PDE1A: variants seen among roughly 807,000 people sequenced by gnomAD.
The protein encoded by PDE1A is phosphodiesterase 1A.
PDE1A carries 35 observed loss-of-function variants against 61.7 expected under a neutral mutation model. That is an observed-to-expected ratio of 0.57 (90% CI 0.43 to 0.75). PDE1A has a LOEUF of 0.75. PDE1A is among the 30% of genes least tolerant of loss of function. The pLI is 0.00. For synonymous variants in PDE1A, 232 were observed against 213.2 expected (o/e 1.09, Z -0.77); for missense variants, 597 against 630.6 (o/e 0.95, Z 0.57).
chr2:182,650,241 T>G, the PDE1A span, among the ~76,000 whole-genome samples: 2 of 152,276 alleles, frequency 1.3e-5, no homozygotes, highest in South Asian at 2.1e-4. Flanking sequence ...TTGTTTAGTA[T>G]TTAGAATGCA....
the PDE1A span, among the ~76,000 whole-genome samples, chr2:182,616,904 T>G: frequency 1.3e-5 from 2 of 152,204 alleles, no homozygotes; most frequent in Non-Finnish European, 2.9e-5. Context: ...GTGGAAGTCT[T>G]TGATTCAACA....
chr2:182,505,722 TTTGA>T (rs1023745060), intron 2 of PDE1A, among the ~76,000 whole-genome samples: 3 of 152,204 alleles, frequency 2.0e-5, no homozygotes, highest in African/African-American at 7.2e-5. Flanking sequence ...TTTCTAAGCC[TTTGA>T]TTGTGTCACA....
intron 1 of PDE1A, among the ~76,000 whole-genome samples, chr2:182,292,707 A>G (rs1694618382): frequency 6.6e-6 from 1 of 152,072 alleles, no homozygotes. Context: ...AACATCTTTC[A>G]GGAGAACATA....
At chr2:182,194,935 G>A (rs567495121) in intron 10 of PDE1A, among the ~76,000 whole-genome samples, 1 of 150,136 alleles carries the variant, frequency 6.7e-6, no homozygotes, top group East Asian at 2.0e-4. Context: ...TTCTTGAAAG[G>A]TTGCTCTTGA....
chr2:182,265,344 T>A (rs1216350997), intron 1 of PDE1A, among the ~76,000 whole-genome samples: 3 of 152,152 alleles, frequency 2.0e-5, no homozygotes, highest in African/African-American at 7.2e-5. Context: ...ACTGCTAGAT[T>A]CGCTATTATT....
intron 10 of PDE1A, among the ~76,000 whole-genome samples, chr2:182,199,424 T>C (rs962935436): frequency 6.6e-6 from 1 of 152,064 alleles, no homozygotes; most frequent in Non-Finnish European, 1.5e-5. Flanking sequence ...TACACATTTT[T>C]TTTCTAATGT....
the PDE1A span, among the ~76,000 whole-genome samples, chr2:182,675,189 T>C: frequency 6.6e-6 from 1 of 152,200 alleles, no homozygotes; most frequent in Non-Finnish European, 1.5e-5. Flanking sequence ...CTCCCACTTA[T>C]AAGTGAGAAC....
upstream of PDE1A, among the ~76,000 whole-genome samples, chr2:182,524,433 T>A (rs984848655): frequency 6.6e-6 from 1 of 152,158 alleles, no homozygotes; most frequent in African/African-American, 2.4e-5. Context: ...AGAACTATTC[T>A]ACTTAAGTAT....
At position 182,147,099 on chromosome 2, in the gene PDE1A, GT is replaced by G; in HGVS notation, c.1569del (p.Lys523AsnfsTer13). ...CGGGCCTATGAATGTGTCTCATCAT[GT>G]TTTTCTTCAGCATTTACTAAGTCTT... On this transcript the variant is annotated frameshift_variant, in exon 14 of 14. Coordinates refer to the PDE1A transcript ENST00000409365. LOFTEE classifies it high-confidence loss of function. The G allele has an allele frequency of 6.2e-7, 1 of 1,606,608 alleles. No homozygotes were observed. The highest frequency in any genetic ancestry group is 8.5e-7 in the Non-Finnish European group (1 of 1,174,378).
intron 9 of PDE1A, 55 bp from the exon 10 acceptor site, chr2:182,201,614 C>CT (rs1686637977): frequency 2.8e-6 from 4 of 1,432,470 alleles, no homozygotes; most frequent in Non-Finnish European, 3.9e-6. Flanking sequence ...CAATTACAGT[C>CT]TTTTCTGAGG....
chr2:182,251,787 G>A (rs887565547), intron 2 of PDE1A, among the ~76,000 whole-genome samples: 8 of 152,338 alleles, frequency 5.3e-5, no homozygotes, highest in Admixed American at 4.6e-4. Flanking sequence ...GGGAGGAACA[G>A]TCAGAAGAGT....
chr2:182,174,263 G>A (rs1692518169), intron 13 of PDE1A, among the ~76,000 whole-genome samples: 2 of 152,058 alleles, frequency 1.3e-5, no homozygotes, highest in Non-Finnish European at 2.9e-5. Flanking sequence ...ATCAGAGCTT[G>A]GGAATGGAGC....
intron 1 of PDE1A, among the ~76,000 whole-genome samples, chr2:182,357,479 CCTTT>C (rs1699261724): frequency 6.6e-6 from 1 of 152,094 alleles, no homozygotes; most frequent in Non-Finnish European, 1.5e-5. Context: ...AATTCATTGA[CCTTT>C]CTTTAGAGGA....
chr2:182,272,130 T>A (rs1355348831), intron 1 of PDE1A, among the ~76,000 whole-genome samples: 1 of 151,986 alleles, frequency 6.6e-6, no homozygotes, highest in Middle Eastern at 3.2e-3. Flanking sequence ...AGATCTAATA[T>A]CCAGCTAATT....
At chr2:182,506,259 T>C (rs1490749693) in intron 2 of PDE1A, among the ~76,000 whole-genome samples, 2 of 152,220 alleles carry the variant, frequency 1.3e-5, no homozygotes, top group African/African-American at 4.8e-5. Context: ...CTGTTTCTCT[T>C]TGTTCCCTAT....
chr2:182,159,692 G>A (rs763096422), intron 13 of PDE1A, among the ~76,000 whole-genome samples: 1 of 152,162 alleles, frequency 6.6e-6, no homozygotes, highest in East Asian at 1.9e-4. Context: ...TGTAGGCCGA[G>A]TGCATTGGCT....
At position 182,329,492 on chromosome 2, in the gene PDE1A, C is replaced by T. The variant is rs528520338; in HGVS notation, c.54-65078G>A. Reference sequence around the variant, plus strand: ...GTAACCTCTGCCTCCCAGGCTCAAGCGATTCTCCTGCCTCAGCCTCCCGAG... The same window carrying T: ...GTAACCTCTGCCTCCCAGGCTCAAGTGATTCTCCTGCCTCAGCCTCCCGAG... On this transcript the variant is annotated intron_variant, in intron 1 of 13. Coordinates refer to ENST00000351439, the Ensembl canonical transcript of PDE1A. Among the ~76,000 whole-genome samples the T allele has an allele frequency of 1.3e-3, 198 of 152,144 alleles. 1 individual carries two copies. Among genetic ancestry groups the T allele is most frequent in the South Asian group, 0.012 (57 of 4,822 alleles).
upstream of PDE1A, among the ~76,000 whole-genome samples, chr2:182,525,348 T>C (rs1456989779): frequency 6.6e-6 from 1 of 152,248 alleles, no homozygotes; most frequent in Admixed American, 6.5e-5. Flanking sequence ...TCCTTTTGTT[T>C]AGAAACTACA....
chr2:182,490,292 C>A (rs1277954947), intron 2 of PDE1A, among the ~76,000 whole-genome samples: 1 of 152,142 alleles, frequency 6.6e-6, no homozygotes, highest in African/African-American at 2.4e-5. Context: ...GAGTAGTCAA[C>A]CTTTAAGGAG....
Sources: gnomAD v4.1 joint callset for allele counts (sites outside exome capture counted in the v4.1 genomes callset) on GRCh38, gnomAD v4.1.1 for gene constraint, MANE v1.5 for transcripts, NCBI Gene and HGNC (gene_info 2026-07-23, HGNC 2026-07-21) for gene names.